Variants in TRUB1 observed in about 807,000 individuals in gnomAD.
TRUB1 encodes the protein TruB pseudouridine synthase family member 1, also known as pseudouridylate synthase TRUB1.
A neutral mutation model predicts 33.9 loss-of-function variants in TRUB1; 23 were observed. The ratio of observed to expected loss-of-function variants is 0.68; its 90% CI spans 0.49 to 0.96. TRUB1 has a LOEUF of 0.96. TRUB1 is among the 40% of genes least tolerant of loss of function. TRUB1 has a pLI of 0.00. For missense variants in TRUB1, 378 were observed against 422.2 expected (o/e 0.90, Z 0.92); for synonymous variants, 163 against 165.4 (o/e 0.99, Z 0.11).
rs149236726 is a variant in TRUB1 at position 114,948,747 on chromosome 10, G to A, written c.386-2347G>A. Among the ~76,000 whole-genome samples, 127 of 152,244 alleles carry A rather than the reference G, an allele frequency of 8.3e-4. 1 individual carries two copies. The East Asian group carries it at 0.021, about 25-fold the overall frequency. On this transcript the variant is annotated intron_variant, in intron 2 of 7. Transcript: ENST00000298746. ...GGCTTCTTTTAAATTTTATCCTTCTGGGTCACTAAACTAGCTCAGAAACCA... is the reference window on the plus strand; with the variant it reads ...GGCTTCTTTTAAATTTTATCCTTCTAGGTCACTAAACTAGCTCAGAAACCA...
chr10:114,938,775 T>TA (rs1193301384), intron 1 of TRUB1, among the ~76,000 whole-genome samples: 1 of 152,230 alleles, frequency 6.6e-6, no homozygotes, highest in Non-Finnish European at 1.5e-5. Context: ...ATCCCGTACT[T>TA]ACACAATAAA....
chr10:114,946,654 T>C (rs1312266617), intron 2 of TRUB1, among the ~76,000 whole-genome samples: 1 of 152,122 alleles, frequency 6.6e-6, no homozygotes, highest in Non-Finnish European at 1.5e-5. Context: ...AAGGTCTTTT[T>C]TGAAACAAAC....
rs575911427 is a variant in TRUB1, at chr10:114,959,007, G to A, written c.442-719G>A. ...AAAAATTAGCCGGGCGTGGTGGCGG[G>A]TGCCTGTAATCCCAGCTACTCCACA... On this transcript the variant is annotated intron_variant, in intron 3 of 7. Transcript: ENST00000298746. Among the ~76,000 whole-genome samples the A allele has an allele frequency of 5.3e-5, 8 of 152,118 alleles. No individual in the cohort carries two copies. In the East Asian group the frequency reaches 1.5e-3, roughly 29 times the overall value.
chr10:114,950,177 C>T lies in TRUB1; in HGVS notation c.386-917C>T, dbSNP rs149975972. ...CCTCCCAAAATGCTGGGATTACAGG[C>T]GTGAGCCAACACACCTGGCCTTTTA... is the stretch of plus-strand genomic sequence containing the variant. On this transcript the variant is annotated intron_variant, in intron 2 of 7. Transcript: ENST00000298746. Among the ~76,000 whole-genome samples the T allele has an allele frequency of 3.9e-3, 586 of 152,200 alleles. 1 individual carries two copies. The highest frequency in any genetic ancestry group is 0.013 in the African/African-American group (533 of 41,526).
At chr10:114,970,949 G>C (rs911870262) in intron 5 of TRUB1, among the ~76,000 whole-genome samples, 1 of 152,188 alleles carries the variant, frequency 6.6e-6, no homozygotes, top group South Asian at 2.1e-4. Context: ...TTTACTGCTT[G>C]TCTTAGTTTG....
chr10:114,961,741 T>C (rs2084285934), intron 4 of TRUB1, among the ~76,000 whole-genome samples: 1 of 152,200 alleles, frequency 6.6e-6, no homozygotes, highest in South Asian at 2.1e-4. Context: ...TTTTTCTGTG[T>C]GCTTTCAGTA....
At chr10:114,972,558 TAGAGAAGAG>T (rs1357236744) in intron 6 of TRUB1, among the ~76,000 whole-genome samples, 4 of 152,194 alleles carry the variant, frequency 2.6e-5, no homozygotes, top group Non-Finnish European at 5.9e-5. Context: ...TAGATCTCTA[TAGAGAAGAG>T]TAGGTAAGGA....
intron 3 of TRUB1, among the ~76,000 whole-genome samples, chr10:114,954,076 T>A (rs1000702805): frequency 1.4e-5 from 2 of 141,982 alleles, no homozygotes; most frequent in Admixed American, 6.9e-5. Context: ...AAAAAAAAAA[T>A]GTGGCTGCAG....
intron 6 of TRUB1, among the ~76,000 whole-genome samples, chr10:114,973,218 C>T (rs567106452): frequency 1.3e-5 from 2 of 152,166 alleles, no homozygotes; most frequent in South Asian, 2.1e-4. Context: ...AAAAAACACA[C>T]TTAGGAAGGT....
intron 1 of TRUB1, among the ~76,000 whole-genome samples, chr10:114,942,369 T>A (rs1036736989): frequency 1.3e-5 from 2 of 152,322 alleles, no homozygotes; most frequent in African/African-American, 4.8e-5. Flanking sequence ...AGCTTGGATA[T>A]TTACCCACCT....
chr10:114,938,601 G>A, intron 1 of TRUB1, 62 bp downstream of exon 1: 1 of 1,457,384 alleles, frequency 6.9e-7, no homozygotes, highest in South Asian at 1.5e-5. Flanking sequence ...AGCACATTAG[G>A]CTTTTTGCGA....
intron 1 of TRUB1, among the ~76,000 whole-genome samples, chr10:114,941,974 C>T (rs905587418): frequency 1.3e-5 from 2 of 151,864 alleles, no homozygotes; most frequent in African/African-American, 2.4e-5. Context: ...TTAGTAGAGA[C>T]GGTGTTTCAC....
chr10:114,964,127 C>T (rs1472394724), intron 4 of TRUB1, among the ~76,000 whole-genome samples: 1 of 152,186 alleles, frequency 6.6e-6, no homozygotes, highest in Non-Finnish European at 1.5e-5. Flanking sequence ...AGTGCATAAG[C>T]ATTCCACTTG....
At position 114,949,636 on chromosome 10, in the gene TRUB1, G is replaced by A. The variant is rs1359583794; in HGVS notation, c.386-1458G>A. Among the ~76,000 whole-genome samples, 25 of 152,144 alleles carry A rather than the reference G, an allele frequency of 1.6e-4. 1 individual carries two copies. The highest frequency in any genetic ancestry group is 1.6e-3 in the Admixed American group (25 of 15,266). On this transcript the variant is annotated intron_variant, in intron 2 of 7. Coordinates refer to ENST00000298746, the MANE Select transcript of TRUB1 (RefSeq NM_139169.5). ...AAAATAGGGTTTCAGAAATGGTTAT[G>A]AAGTGGTATGAATTGGAAGAGGAAG...
chr10:114,945,150 A>G (rs552682016), intron 2 of TRUB1, among the ~76,000 whole-genome samples: 2 of 152,320 alleles, frequency 1.3e-5, no homozygotes, highest in Non-Finnish European at 2.9e-5. Context: ...ATAAAGTAAC[A>G]TGTTCACTGT....
chr10:114,939,842 T>A (rs1368242150), intron 1 of TRUB1, among the ~76,000 whole-genome samples: 1 of 146,838 alleles, frequency 6.8e-6, no homozygotes, highest in Non-Finnish European at 1.5e-5. Context: ...TTTTTTTTTT[T>A]ATCCTTAAGG....
intron 3 of TRUB1, among the ~76,000 whole-genome samples, chr10:114,952,908 AT>A (rs779737345): frequency 8.6e-5 from 13 of 151,378 alleles, no homozygotes; most frequent in African/African-American, 2.4e-4. Flanking sequence ...ATTATGGATG[AT>A]TTTTTTTTCA....
chr10:114,941,128 G>T (rs2084184713), intron 1 of TRUB1, among the ~76,000 whole-genome samples: 1 of 152,114 alleles, frequency 6.6e-6, no homozygotes, highest in Non-Finnish European at 1.5e-5. Flanking sequence ...CTCAGTGTCA[G>T]TGTTGATAAG....
At chr10:114,941,875 C>A (rs2143020083) in intron 1 of TRUB1, among the ~76,000 whole-genome samples, 1 of 152,212 alleles carries the variant, frequency 6.6e-6, no homozygotes, top group South Asian at 2.1e-4. Context: ...AACTCCGCCT[C>A]CCAGGTTCAC....
Sources: allele counts gnomAD v4.1 joint callset (sites outside exome capture counted in the v4.1 genomes callset), GRCh38; gene constraint gnomAD v4.1.1; transcripts MANE v1.5; gene names NCBI Gene and HGNC (gene_info 2026-07-23, HGNC 2026-07-21).